Variants in RBMS3 observed in about 807,000 individuals in gnomAD.
RBMS3 encodes RNA binding motif single stranded interacting protein 3, also known as RNA-binding motif, single-stranded-interacting protein 3.
In RBMS3, 27 loss-of-function variants were observed where a neutral mutation model predicts 66.8. The ratio of observed to expected loss-of-function variants is 0.40; its 90% confidence interval spans 0.30 to 0.56. RBMS3 has a LOEUF of 0.56. Among genes scored for constraint, RBMS3 ranks in the 20% least tolerant of loss-of-function variants. RBMS3 has a pLI of 0.40. For synonymous variants in RBMS3, 188 were observed against 183.0 expected (o/e 1.03, Z -0.22); for missense variants, 513 against 549.5 (o/e 0.93, Z 0.66).
chr3:29,613,775 A>G (rs963274660), intron 4 of RBMS3, among the ~76,000 whole-genome samples: 3 of 152,100 alleles, frequency 2.0e-5, no homozygotes, highest in Non-Finnish European at 4.4e-5. Context: ...AGAGAAGTGA[A>G]AATTAAAATC....
chr3:29,802,619 C>T (rs1421159570), intron 6 of RBMS3, among the ~76,000 whole-genome samples: 2 of 152,138 alleles, frequency 1.3e-5, no homozygotes, highest in Non-Finnish European at 2.9e-5. Flanking sequence ...GTTATTTTAG[C>T]TTATATGCCC....
At chr3:29,293,182 G>A (rs2032961948) in intron 1 of RBMS3, among the ~76,000 whole-genome samples, 3 of 151,782 alleles carry the variant, frequency 2.0e-5, no homozygotes, top group Admixed American at 2.0e-4. Flanking sequence ...TTGGAATCAA[G>A]TTTTAAAGTG....
chr3:29,689,469 A>G (rs946372313), intron 4 of RBMS3, among the ~76,000 whole-genome samples: 1 of 152,178 alleles, frequency 6.6e-6, no homozygotes, highest in Non-Finnish European at 1.5e-5. Flanking sequence ...CTGACAAAGC[A>G]GTAGATATTC....
At chr3:29,591,093 A>C (rs1017195334) in intron 4 of RBMS3, among the ~76,000 whole-genome samples, 3 of 152,162 alleles carry the variant, frequency 2.0e-5, no homozygotes, top group African/African-American at 7.2e-5. Context: ...AGAGTATGAA[A>C]TGATGAGTGT....
At chr3:29,355,810 C>CA in intron 1 of RBMS3, among the ~76,000 whole-genome samples, 1 of 151,762 alleles carries the variant, frequency 6.6e-6, no homozygotes, top group African/African-American at 2.4e-5. Flanking sequence ...CTGCACAAAA[C>CA]AAAAAAGCAC....
At position 29,651,321 on chromosome 3, in the gene RBMS3, A is replaced by G. The variant is rs555704913; in HGVS notation, c.399+64116A>G. Among the ~76,000 whole-genome samples the G allele has an allele frequency of 5.3e-5, 8 of 152,318 alleles. No homozygotes were observed. In the East Asian group the frequency reaches 1.5e-3, roughly 29 times the overall value. ...CTTAGAAAATTAGAGAAAACTCAAGAATACATTTTTGAAAGAAATCAGTTT... is the reference window on the plus strand; with the variant it reads ...CTTAGAAAATTAGAGAAAACTCAAGGATACATTTTTGAAAGAAATCAGTTT... On this transcript the variant is annotated intron_variant, in intron 4 of 14. Transcript: ENST00000383767.
intron 3 of RBMS3, among the ~76,000 whole-genome samples, chr3:29,540,712 A>T (rs1202492660): frequency 1.3e-5 from 2 of 152,118 alleles, no homozygotes; most frequent in Non-Finnish European, 2.9e-5. Context: ...GTGAGCTAAG[A>T]TTGCACCCAG....
rs553295881 is a variant in RBMS3, at chr3:29,649,377, G to C, written c.399+62172G>C. 3.3e-5 allele frequency among the ~76,000 whole-genome samples: 5 copies of C among 152,208 alleles called. No homozygotes were observed. In the East Asian group the frequency reaches 9.7e-4, roughly 29 times the overall value. On this transcript the variant is annotated intron_variant, in intron 4 of 14. Coordinates refer to ENST00000383767, the MANE Select transcript of RBMS3 (RefSeq NM_001003793.3). ...TGAATTTATCATCACATTTCAGGCT[G>C]TGTCATCAAATTCTAACACATGACA... is the stretch of plus-strand genomic sequence containing the variant.
intron 3 of RBMS3, among the ~76,000 whole-genome samples, chr3:29,541,081 G>C (rs770130020): frequency 2.0e-5 from 3 of 152,140 alleles, no homozygotes; most frequent in African/African-American, 7.2e-5. Context: ...TGGCCTAACC[G>C]AATTTACCCT....
chr3:29,933,943 C>CA (rs1383474132), intron 10 of RBMS3: 1 of 152,090 alleles, frequency 6.6e-6, no homozygotes, highest in Non-Finnish European at 1.5e-5. Context: ...CAAGTGCAGG[C>CA]ATTCGATCCT....
chr3:29,815,153 C>G (rs1216020254), intron 6 of RBMS3, among the ~76,000 whole-genome samples: 1 of 152,150 alleles, frequency 6.6e-6, no homozygotes, highest in Non-Finnish European at 1.5e-5. Context: ...AACTGCAGCA[C>G]AAGATAAGAG....
At chr3:29,380,237 C>CAA (rs398071796) in intron 1 of RBMS3, among the ~76,000 whole-genome samples, 7 of 149,002 alleles carry the variant, frequency 4.7e-5, no homozygotes, top group Admixed American at 4.7e-4. Flanking sequence ...CACACACACA[C>CAA]GTACATCTAT....
intron 3 of RBMS3, among the ~76,000 whole-genome samples, chr3:29,506,534 A>G (rs1330088340): frequency 1.3e-5 from 2 of 151,890 alleles, no homozygotes; most frequent in Admixed American, 6.6e-5. Flanking sequence ...TTCGCCTGTA[A>G]TATTCTTCTC....
intron 1 of RBMS3, among the ~76,000 whole-genome samples, chr3:29,322,994 CA>C (rs2035097271): frequency 6.6e-6 from 1 of 152,050 alleles, no homozygotes; most frequent in Non-Finnish European, 1.5e-5. Context: ...GCCAAGAACG[CA>C]ACTTGGCATC....
intron 12 of RBMS3, among the ~76,000 whole-genome samples, chr3:29,966,338 T>C (rs1323201857): frequency 1.3e-5 from 2 of 152,198 alleles, no homozygotes; most frequent in African/African-American, 4.8e-5. Flanking sequence ...ATTCTACCCA[T>C]CCATGAGCAT....
intron 10 of RBMS3, among the ~76,000 whole-genome samples, chr3:29,918,656 G>C (rs897557825): frequency 6.6e-6 from 1 of 152,048 alleles, no homozygotes; most frequent in African/African-American, 2.4e-5. Flanking sequence ...TAATGATACT[G>C]TTTGCACTTT....
intron 10 of RBMS3, among the ~76,000 whole-genome samples, chr3:29,905,538 A>G (rs1256739013): frequency 6.6e-6 from 1 of 152,044 alleles, no homozygotes; most frequent in Non-Finnish European, 1.5e-5. Context: ...GCCAATATTT[A>G]TCACATAATA....
At chr3:29,927,913 T>C (rs1050453244) in intron 10 of RBMS3, among the ~76,000 whole-genome samples, 1 of 152,072 alleles carries the variant, frequency 6.6e-6, no homozygotes, top group Non-Finnish European at 1.5e-5. Context: ...TCACTCTAAC[T>C]GGTTTCTGAA....
intron 4 of RBMS3, among the ~76,000 whole-genome samples, chr3:29,590,576 C>CT (rs147926189): frequency 0.025 from 3,701 of 150,994 alleles, 167 homozygotes; most frequent in African/African-American, 0.085. Context: ...ATAAAAAATT[C>CT]TTTTTTTTTC....
Sources: gnomAD v4.1 joint callset for allele counts (sites outside exome capture counted in the v4.1 genomes callset) on GRCh38, gnomAD v4.1.1 for gene constraint, MANE v1.5 for transcripts, NCBI Gene and HGNC (gene_info 2026-07-23, HGNC 2026-07-21) for gene names.